TSHR: variants seen among roughly 807,000 people sequenced by gnomAD.
The protein encoded by TSHR is thyrotropin receptor.
Under a neutral mutation model 64.1 loss-of-function variants are expected in TSHR, and 51 were observed. The ratio of observed to expected loss-of-function variants is 0.80; its 90% confidence interval spans 0.64 to 1.01. The LOEUF (loss-of-function observed/expected upper bound fraction) is 1.01. Ranked by LOEUF, TSHR falls within the 50% of genes least tolerant of loss-of-function variation. The probability of loss-of-function intolerance (pLI) is 0.00; values close to 1 mark genes in which losing one functional copy is unlikely to be tolerated. For synonymous variants in TSHR, 361 were observed against 361.9 expected (o/e 1.00, Z 0.03); for missense variants, 877 against 942.8 (o/e 0.93, Z 0.91).
At position 81,146,177 on chromosome 14, in the gene TSHR, T is replaced by C; in HGVS notation, c.*1824T>C. The stretch of plus-strand genomic sequence containing the variant: ...ATATCACATCTTGATAAATAATGTG[T>C]TTCATCTTGAATAGCTGAACTAATT... On this transcript the variant is annotated 3_prime_UTR_variant, in exon 10 of 10. Transcript: ENST00000298171. 4.5e-6 allele frequency: 1 copy of C among 224,276 alleles called. No homozygotes were observed. The highest frequency in any genetic ancestry group is 5.7e-5 in the Admixed American group (1 of 17,514). The allele number at this position is 224,276 out of a possible 1,614,324, so 13.9% of individuals were successfully genotyped here. A position where few individuals can be genotyped will look rare whatever the true frequency, so the allele number is the denominator to read the frequency against.
At chr14:81,109,018 C>A (rs752324918) in intron 8 of TSHR, 31 of 1,231,098 alleles carry the variant, frequency 2.5e-5, no homozygotes, top group Non-Finnish European at 2.8e-5. Context: ...ATTGATTCTG[C>A]TTCCCTGAAG....
chr14:81,139,535 CAGA>C, intron 8 of TSHR, 141 bp from the exon 9 acceptor site: 1 of 865,232 alleles, frequency 1.2e-6, no homozygotes, highest in Non-Finnish European at 1.9e-6. Flanking sequence ...CTCCTTAGAC[CAGA>C]AGCTCAGCTT....
intron 1 of TSHR, among the ~76,000 whole-genome samples, chr14:81,057,928 C>T (rs1885943238): frequency 6.6e-6 from 1 of 152,242 alleles, no homozygotes; most frequent in East Asian, 1.9e-4. Flanking sequence ...ACATATGCAA[C>T]ACAAGCTATG....
intron 8 of TSHR, among the ~76,000 whole-genome samples, chr14:81,136,561 C>A (rs980552281): frequency 6.6e-6 from 1 of 152,180 alleles, no homozygotes; most frequent in Non-Finnish European, 1.5e-5. Context: ...GTTGGAGACG[C>A]CTGTGAGGCA....
At chr14:81,098,220 G>A (rs1333324881) in intron 7 of TSHR, among the ~76,000 whole-genome samples, 1 of 152,178 alleles carries the variant, frequency 6.6e-6, no homozygotes, top group Non-Finnish European at 1.5e-5. Context: ...GTACATTAGG[G>A]AGAAGTGTAC....
chr14:80,957,437 C>A (rs564870104), intron 1 of TSHR, among the ~76,000 whole-genome samples: 40 of 151,400 alleles, frequency 2.6e-4, no homozygotes, highest in Non-Finnish European at 5.0e-4. Context: ...TTCCTGAAAC[C>A]CTGGAACTAC....
At chr14:80,957,391 C>T (rs1420932295) in intron 1 of TSHR, among the ~76,000 whole-genome samples, 1 of 151,890 alleles carries the variant, frequency 6.6e-6, no homozygotes, top group Non-Finnish European at 1.5e-5. Context: ...AGGACACAAG[C>T]TTCTCTAACA....
intron 1 of TSHR, among the ~76,000 whole-genome samples, chr14:81,019,361 C>A (rs988799223): frequency 6.1e-5 from 9 of 146,980 alleles, no homozygotes; most frequent in Admixed American, 1.4e-4. Context: ...GTTGCATGAG[C>A]AATTATAGTG....
At chr14:81,041,889 T>C (rs568902520) in intron 1 of TSHR, among the ~76,000 whole-genome samples, 1 of 152,272 alleles carries the variant, frequency 6.6e-6, no homozygotes, top group Admixed American at 6.5e-5. Context: ...TGTAAGTACA[T>C]TCTGTGATGT....
chr14:81,121,778 CT>C (rs891446509), intron 8 of TSHR, among the ~76,000 whole-genome samples: 5 of 151,934 alleles, frequency 3.3e-5, no homozygotes, highest in Admixed American at 3.3e-4. Context: ...TCCATCTCTA[CT>C]AAAAATACAA....
At chr14:81,048,308 G>T (rs1205298460) in intron 1 of TSHR, among the ~76,000 whole-genome samples, 1 of 152,062 alleles carries the variant, frequency 6.6e-6, no homozygotes, top group Non-Finnish European at 1.5e-5. Context: ...AGGTCGTTTT[G>T]TTATAATGTT....
At chr14:81,079,772 C>G (rs991247537) in intron 3 of TSHR, among the ~76,000 whole-genome samples, 1 of 151,102 alleles carries the variant, frequency 6.6e-6, no homozygotes, top group African/African-American at 2.4e-5. Flanking sequence ...GGGAGGATCA[C>G]TTGAGCCTAC....
chr14:80,990,916 A>G (rs1242417357), intron 1 of TSHR, among the ~76,000 whole-genome samples: 1 of 152,192 alleles, frequency 6.6e-6, no homozygotes, highest in African/African-American at 2.4e-5. Context: ...CGGCCTCACA[A>G]AATGCTGAGA....
intron 8 of TSHR, among the ~76,000 whole-genome samples, chr14:81,109,846 T>A (rs753698492): frequency 1.3e-5 from 2 of 152,228 alleles, no homozygotes; most frequent in Non-Finnish European, 2.9e-5. Context: ...TTATTATGCA[T>A]TTTTCTTTTT....
intron 1 of TSHR, among the ~76,000 whole-genome samples, chr14:81,017,112 A>T (rs1326088267): frequency 6.6e-6 from 1 of 152,226 alleles, no homozygotes; most frequent in East Asian, 1.9e-4. Flanking sequence ...TTGCAATCAG[A>T]CCTTGCAATG....
At chr14:80,985,198 G>C (rs1228710989) in intron 1 of TSHR, among the ~76,000 whole-genome samples, 20 of 152,108 alleles carry the variant, frequency 1.3e-4, no homozygotes, top group Non-Finnish European at 1.9e-4. Flanking sequence ...TGCAGTGGGC[G>C]GAGATCGCGC....
chr14:81,009,861 G>A (rs531031198), intron 1 of TSHR, among the ~76,000 whole-genome samples: 3 of 152,184 alleles, frequency 2.0e-5, no homozygotes, highest in African/African-American at 4.8e-5. Flanking sequence ...TCTTGTGTAC[G>A]TCAACTGTGC....
At chr14:81,048,237 A>G (rs1297884969) in intron 1 of TSHR, among the ~76,000 whole-genome samples, 1 of 152,106 alleles carries the variant, frequency 6.6e-6, no homozygotes, top group Non-Finnish European at 1.5e-5. Context: ...AGAAGCCTTC[A>G]GGTCTCAGCT....
chr14:81,121,309 G>T (rs1281997215), intron 8 of TSHR, among the ~76,000 whole-genome samples: 1 of 152,128 alleles, frequency 6.6e-6, no homozygotes, highest in Non-Finnish European at 1.5e-5. Context: ...AATGCCCTCA[G>T]CCTTCTCAAT....
Sources: gnomAD v4.1 joint callset for allele counts (sites outside exome capture counted in the v4.1 genomes callset) on GRCh38, gnomAD v4.1.1 for gene constraint, MANE v1.5 for transcripts, NCBI Gene and HGNC (gene_info 2026-07-23, HGNC 2026-07-21) for gene names.